The following SLCO3A1 variants were observed in gnomAD, a reference collection of about 807,000 sequenced individuals.
SLCO3A1 encodes the protein PGE1 transporter.
SLCO3A1 carries 27 observed loss-of-function variants against 63.1 expected under a neutral mutation model. The ratio of observed to expected loss-of-function variants is 0.43; its 90% CI spans 0.32 to 0.59. The LOEUF is 0.59. Among genes scored for constraint, SLCO3A1 ranks in the 20% least tolerant of loss-of-function variants. SLCO3A1 has a pLI of 0.09. For synonymous variants in SLCO3A1, 473 were observed against 409.9 expected, an observed-to-expected ratio of 1.15 and a Z score of -1.86; for missense variants, 773 against 945.8, an observed-to-expected ratio of 0.82 and a Z score of 2.40.
chr15:91,901,766 T>C (rs1429835826), intron 1 of SLCO3A1, among the ~76,000 whole-genome samples: 1 of 152,214 alleles, frequency 6.6e-6, no homozygotes, highest in Non-Finnish European at 1.5e-5. Context: ...TCTGTGGGTC[T>C]TTGCCTTTTA....
chr15:92,027,471 A>G (rs551178118), intron 2 of SLCO3A1, among the ~76,000 whole-genome samples: 1 of 152,332 alleles, frequency 6.6e-6, no homozygotes, highest in Admixed American at 6.5e-5. Flanking sequence ...AGATTTAGCA[A>G]CTTGCCCAAG....
At chr15:91,878,240 C>T (rs1897453815) in intron 1 of SLCO3A1, among the ~76,000 whole-genome samples, 2 of 152,124 alleles carry the variant, frequency 1.3e-5, no homozygotes, top group East Asian at 1.9e-4. Context: ...CACGTGCCAC[C>T]ACACCTGGAT....
intron 3 of SLCO3A1, among the ~76,000 whole-genome samples, chr15:92,101,424 G>T (rs558318468): frequency 6.6e-6 from 1 of 151,988 alleles, no homozygotes; most frequent in African/African-American, 2.4e-5. Flanking sequence ...CAGGAGAATC[G>T]CTTGAACCCA....
intron 2 of SLCO3A1, among the ~76,000 whole-genome samples, chr15:92,011,090 C>T (rs1348963592): frequency 3.3e-5 from 5 of 152,206 alleles, no homozygotes; most frequent in Admixed American, 3.3e-4. Flanking sequence ...GACCAGGGCC[C>T]CTGCCACACT....
At chr15:91,965,230 C>G (rs1900614147) in intron 2 of SLCO3A1, among the ~76,000 whole-genome samples, 1 of 152,140 alleles carries the variant, frequency 6.6e-6, no homozygotes, top group African/African-American at 2.4e-5. Flanking sequence ...AGACCCCTCT[C>G]CCACCACCAG....
intron 1 of SLCO3A1, among the ~76,000 whole-genome samples, chr15:91,869,250 A>C (rs1256124882): frequency 1.3e-5 from 2 of 152,028 alleles, no homozygotes; most frequent in African/African-American, 4.8e-5. Flanking sequence ...AAAATTTAAA[A>C]ATTAGCTGAG....
intron 2 of SLCO3A1, among the ~76,000 whole-genome samples, chr15:91,947,804 C>A (rs569906029): frequency 1.3e-5 from 2 of 152,264 alleles, no homozygotes; most frequent in South Asian, 4.1e-4. Context: ...CGTTAGTACC[C>A]CCTGCTTGGC....
chr15:91,971,409 A>AAAAAAAAAAAAAAAAAAAAAAAC (rs1281171055), intron 2 of SLCO3A1, among the ~76,000 whole-genome samples: 1 of 146,506 alleles, frequency 6.8e-6, no homozygotes. Context: ...AAAAAAAAAA[A>AAAAAAAAAAAAAAAAAAAAAAAC]AGCAACCTCT....
chr15:92,052,169 G>A (rs547255547), intron 2 of SLCO3A1, among the ~76,000 whole-genome samples: 1 of 152,110 alleles, frequency 6.6e-6, no homozygotes, highest in Admixed American at 6.5e-5. Context: ...TTGGTCTGGG[G>A]CTCTAAGACA....
At chr15:92,069,468 A>T (rs2047190752) in intron 2 of SLCO3A1, among the ~76,000 whole-genome samples, 2 of 152,214 alleles carry the variant, frequency 1.3e-5, no homozygotes, top group Admixed American at 1.3e-4. Flanking sequence ...GCAAGGACTT[A>T]TGTTGGTAGC....
chr15:91,899,556 C>T (rs1276601164), intron 1 of SLCO3A1, among the ~76,000 whole-genome samples: 1 of 152,186 alleles, frequency 6.6e-6, no homozygotes, highest in Non-Finnish European at 1.5e-5. Flanking sequence ...ATTGCATTTA[C>T]CACATTCCAC....
chr15:92,042,233 C>G (rs901050391), intron 2 of SLCO3A1, among the ~76,000 whole-genome samples: 2 of 152,210 alleles, frequency 1.3e-5, no homozygotes, highest in African/African-American at 4.8e-5. Context: ...ATTTAACATT[C>G]ACACAGTGTC....
chr15:91,933,057 A>G lies in SLCO3A1; in HGVS notation c.646+16599A>G, dbSNP rs200901250. On this transcript the variant is annotated intron_variant, in intron 2 of 9. Transcript: ENST00000318445. ...CCTGAGTTAGAATTGGAATGAGAAA[A>G]GGAGGAAAAATCCTCCCCAATTACT... Among the ~76,000 whole-genome samples, 47 of 133,528 alleles carry G rather than the reference A, an allele frequency of 3.5e-4. 2 individuals are homozygous for G. In the East Asian group the frequency reaches 8.7e-3, roughly 25 times the overall value. The allele number at this position is 133,528 out of a possible 152,430, so 87.6% of individuals were successfully genotyped here. A position where few individuals can be genotyped will look rare whatever the true frequency, so the allele number is the denominator to read the frequency against.
chr15:92,138,293 G>A (rs1173698686), intron 7 of SLCO3A1, among the ~76,000 whole-genome samples: 3 of 83,396 alleles, frequency 3.6e-5, no homozygotes, highest in African/African-American at 7.4e-5. Context: ...GTAGATATGT[G>A]GCGTTATTTC....
chr15:91,921,043 C>G (rs1423620114), intron 2 of SLCO3A1, among the ~76,000 whole-genome samples: 1 of 152,144 alleles, frequency 6.6e-6, no homozygotes, highest in East Asian at 1.9e-4. Context: ...TAGGGCTGCC[C>G]TAAGCAAACA....
At chr15:92,131,813 G>C (rs1027903498) in intron 7 of SLCO3A1, among the ~76,000 whole-genome samples, 3 of 145,988 alleles carry the variant, frequency 2.1e-5, no homozygotes, top group African/African-American at 7.4e-5. Context: ...CTTCACCACT[G>C]CTGAGAAGCC....
At chr15:92,128,515 G>C (rs80232704) in intron 7 of SLCO3A1, 26 bp downstream of exon 7, 118,807 of 1,592,946 alleles carry the variant, frequency 0.075, 5,567 homozygotes, top group Admixed American at 0.22. Flanking sequence ...AGGGGATGGG[G>C]CAGGGGATTC....
In SLCO3A1 at chr15:91,948,191, T is replaced by C. The variant is rs1899875551; in HGVS notation, c.646+31733T>C. On this transcript the variant is annotated intron_variant, in intron 2 of 9. Coordinates refer to ENST00000318445, the MANE Select transcript of SLCO3A1 (RefSeq NM_013272.4). The surrounding 1 kb of genome is among the most constrained non-coding windows in gnomAD (Gnocchi z 4.8). ...TTACCTGCCCTTTGTTTCAGTGCCA[T>C]GCGGCTAATGAATGCCGACCTCCGG... is the stretch of plus-strand genomic sequence containing the variant. 6.6e-6 allele frequency among the ~76,000 whole-genome samples: 1 copy of C among 152,188 alleles called. No individual in the cohort carries two copies.
intron 2 of SLCO3A1, among the ~76,000 whole-genome samples, chr15:92,071,925 A>C (rs1267628254): frequency 6.6e-6 from 1 of 152,146 alleles, no homozygotes; most frequent in Non-Finnish European, 1.5e-5. Flanking sequence ...TGTAACTTGC[A>C]CTAGAACCTA....
Sources: allele counts gnomAD v4.1 joint callset (sites outside exome capture counted in the v4.1 genomes callset), GRCh38; gene constraint gnomAD v4.1.1; non-coding constraint Gnocchi (gnomAD v3.1); transcripts MANE v1.5; gene names NCBI Gene and HGNC (gene_info 2026-07-23, HGNC 2026-07-21).